SGPP2: variants seen among roughly 807,000 people sequenced by gnomAD.
SGPP2 encodes sphingosine-1-phosphate phosphatase 2.
SGPP2 carries 30 observed loss-of-function variants against 33.9 expected under a neutral mutation model. The observed-to-expected ratio is 0.89, with a 90% CI of 0.66 to 1.20. SGPP2 has a LOEUF of 1.20. SGPP2 is among the 50% of genes most tolerant of loss of function. The probability of loss-of-function intolerance (pLI) is 0.00; values close to 1 mark genes in which losing one functional copy is unlikely to be tolerated. For missense variants in SGPP2, 458 were observed against 532.1 expected, an observed-to-expected ratio of 0.86 and a Z score of 1.37; for synonymous variants, 233 against 225.0, an observed-to-expected ratio of 1.04 and a Z score of -0.32.
At chr2:222,467,806 T>C (rs902914612) in intron 1 of SGPP2, among the ~76,000 whole-genome samples, 1 of 150,974 alleles carries the variant, frequency 6.6e-6, no homozygotes, top group African/African-American at 2.4e-5. Flanking sequence ...GAGAACAAGC[T>C]CTTTCTGCTG....
intron 3 of SGPP2, among the ~76,000 whole-genome samples, chr2:222,524,324 T>C (rs1698726285): frequency 6.6e-6 from 1 of 152,234 alleles, no homozygotes; most frequent in South Asian, 2.1e-4. Flanking sequence ...TTTATGCCTA[T>C]GTCTAGCTTA....
rs528457566 is a variant in SGPP2, at chr2:222,494,380, C to T, written c.378+19654C>T. On this transcript the variant is annotated intron_variant, in intron 2 of 4. Coordinates refer to ENST00000321276, the MANE Select transcript of SGPP2 (RefSeq NM_152386.4). ...AGGGCCCAAAAAGCTGGACTGTAGG[C>T]GGTAGAGATAGAGAGAATGTTCACG... Among the ~76,000 whole-genome samples the T allele has an allele frequency of 3.9e-4, 60 of 152,138 alleles. 1 individual carries two copies. Among genetic ancestry groups the T allele is most frequent in the Non-Finnish European group, 6.3e-4 (43 of 68,020 alleles).
chr2:222,511,756 C>T (rs1023055090), intron 2 of SGPP2, among the ~76,000 whole-genome samples: 3 of 152,138 alleles, frequency 2.0e-5, no homozygotes, highest in African/African-American at 4.8e-5. Flanking sequence ...TGGCTCACTG[C>T]GGTCTTGACC....
At chr2:222,437,516 C>T (rs947603245) in intron 1 of SGPP2, among the ~76,000 whole-genome samples, 5 of 152,184 alleles carry the variant, frequency 3.3e-5, no homozygotes, top group African/African-American at 9.7e-5. Context: ...CCCATGAGGC[C>T]ATCGGTGCAG....
At position 222,558,605 on chromosome 2, in the gene SGPP2, C is replaced by G. The variant is rs1689462538; in HGVS notation, c.907C>G (p.Pro303Ala). 1 of 1,614,188 alleles carries G rather than the reference C, an allele frequency of 6.2e-7. No individual in the cohort carries two copies. The highest frequency in any genetic ancestry group is 2.2e-5 in the East Asian group (1 of 44,890). ...INHFFQLVSK[P>A]AESLPVIQNI... ...CCATTTCTTCCAGCTTGTATCCAAG[C>G]CCGCTGAATCTCTCCCTGTTATTCA... Residue 303 changes from proline (P) to alanine (A), a missense_variant, in exon 5 of 5, where the codon CCC (proline) becomes GCC (alanine). By Grantham distance (27) the Pro-to-Ala change is conservative. Transcript: ENST00000321276.
At chr2:222,520,816 C>G (rs1698675014) in intron 2 of SGPP2, among the ~76,000 whole-genome samples, 1 of 151,722 alleles carries the variant, frequency 6.6e-6, no homozygotes, top group African/African-American at 2.4e-5. Context: ...TGCAGTGGCT[C>G]CAATCTGGAC....
intron 1 of SGPP2, among the ~76,000 whole-genome samples, chr2:222,443,948 G>A (rs1445628799): frequency 2.0e-5 from 3 of 152,332 alleles, no homozygotes; most frequent in South Asian, 2.1e-4. Flanking sequence ...GTTCTGAGAT[G>A]TAAATAAGAT....
intron 1 of SGPP2, among the ~76,000 whole-genome samples, chr2:222,434,536 C>T (rs948256335): frequency 6.6e-6 from 1 of 152,170 alleles, no homozygotes; most frequent in Non-Finnish European, 1.5e-5. Context: ...ATACTATTCT[C>T]TCCTCCCCCA....
chr2:222,530,392 G>C (rs550312721), intron 4 of SGPP2, among the ~76,000 whole-genome samples: 3 of 152,362 alleles, frequency 2.0e-5, no homozygotes, highest in African/African-American at 7.2e-5. Context: ...TTAAAACGCT[G>C]TTGTGTAACG....
chr2:222,499,872 G>T (rs996412079), intron 2 of SGPP2, among the ~76,000 whole-genome samples: 4 of 152,264 alleles, frequency 2.6e-5, no homozygotes, highest in African/African-American at 7.2e-5. Flanking sequence ...GACTAGACCA[G>T]AGGTCCCCAG....
chr2:222,424,764 C>G lies in SGPP2; in HGVS notation c.162C>G (p.Ala54=). The change falls in exon 1 of 5, where the codon GCC becomes GCG. Residue 54 remains alanine, a synonymous_variant. Coordinates refer to ENST00000321276, the MANE Select transcript of SGPP2 (RefSeq NM_152386.4). ...CCGGGGTCGAGCATCTCCCCGCAGC[C>G]AACGGCAAGGGCGGCGAGGCTCCGG... The part of the protein sequence containing the change: ...RVPGVEHLPA[A]NGKGGEAPAN... The G allele has an allele frequency of 7.1e-7, 1 of 1,407,938 alleles. No individual in the cohort carries two copies. The allele number at this position is 1,407,938 out of a possible 1,614,324, so 87.2% of individuals were successfully genotyped here.
Position 222,559,033 on chromosome 2 carries a change from T to TA in SGPP2, c.*138dup, listed in dbSNP as rs1308443040. 2 of 773,516 alleles carry TA rather than the reference T, an allele frequency of 2.6e-6. No homozygotes were observed. Among genetic ancestry groups the TA allele is most frequent in the African/African-American group, 3.5e-5 (2 of 57,228 alleles). 47.9% of individuals were successfully genotyped at this position (773,516 alleles called of 1,614,324 possible). A position where few individuals can be genotyped will look rare whatever the true frequency, so the allele number is the denominator to read the frequency against. The stretch of plus-strand genomic sequence containing the variant: ...ATACGGCTGTCTTGCTACTACCAGA[T>TA]AAATGATGCTGCTGTGTGAAAGGAA... On this transcript the variant is annotated 3_prime_UTR_variant, in exon 5 of 5. Coordinates refer to ENST00000321276, the MANE Select transcript of SGPP2 (RefSeq NM_152386.4).
chr2:222,512,006 T>TTATG (rs1320110105), intron 2 of SGPP2, among the ~76,000 whole-genome samples: 2 of 149,642 alleles, frequency 1.3e-5, no homozygotes, highest in Non-Finnish European at 3.0e-5. Flanking sequence ...AAATAAACTT[T>TTATG]TATTTATTTA....
intron 2 of SGPP2, among the ~76,000 whole-genome samples, chr2:222,501,558 T>A (rs889076495): frequency 6.6e-6 from 1 of 152,184 alleles, no homozygotes; most frequent in Admixed American, 6.5e-5. Context: ...ATGTTAATGA[T>A]GTTGAGCCTA....
At chr2:222,514,111 G>A (rs1698569621) in intron 2 of SGPP2, among the ~76,000 whole-genome samples, 1 of 152,058 alleles carries the variant, frequency 6.6e-6, no homozygotes, top group African/African-American at 2.4e-5. Context: ...TAAATAATGT[G>A]CTTTATAATA....
In SGPP2 at chr2:222,440,032, A is replaced by C. The variant is rs116408273; in HGVS notation, c.219+15211A>C. Among the ~76,000 whole-genome samples the C allele has an allele frequency of 7.6e-3, 1,164 of 152,386 alleles. 16 individuals are homozygous for C. Among genetic ancestry groups the C allele is most frequent in the African/African-American group, 0.026 (1,087 of 41,590 alleles). On this transcript the variant is annotated intron_variant, in intron 1 of 4. Transcript: ENST00000321276. ...CCTGTGAATCTATAATTATTTCAAA[A>C]TAAAGTTAAAAAATCAATACTGCCT...
Position 222,495,194 on chromosome 2 carries a change from G to T in SGPP2, c.378+20468G>T, listed in dbSNP as rs919639487. ...CTTGGGAGGCTGAGGTGGGAGGATT[G>T]CTTGAGGCCAGGAGTTTGAGACCAG... On this transcript the variant is annotated intron_variant, in intron 2 of 4. Coordinates refer to ENST00000321276, the MANE Select transcript of SGPP2 (RefSeq NM_152386.4). Among the ~76,000 whole-genome samples the T allele has an allele frequency of 1.2e-4, 18 of 152,012 alleles. 1 individual carries two copies. The highest frequency in any genetic ancestry group is 4.3e-4 in the African/African-American group (18 of 41,468).
intron 1 of SGPP2, among the ~76,000 whole-genome samples, chr2:222,436,309 G>A (rs1008677179): frequency 6.6e-6 from 1 of 152,158 alleles, no homozygotes; most frequent in Non-Finnish European, 1.5e-5. Context: ...AATTTTGCTA[G>A]TGAATCCCTA....
Position 222,424,706 on chromosome 2 carries a change from G to A in SGPP2, c.104G>A (p.Gly35Asp). The change falls in exon 1 of 5, where the codon GGC (glycine) becomes GAC (aspartate). Residue 35 changes from glycine (G) to aspartate (D), a missense_variant. By Grantham distance (94) the Gly-to-Asp change is moderately conservative (BLOSUM62 -1). Coordinates refer to ENST00000321276, the MANE Select transcript of SGPP2 (RefSeq NM_152386.4). ...CCGGATGAAGGCCCCCGGGAGAACG[G>A]CGCGGACCCCACGGAGCGCGCGGCG... ...PAPDEGPREN[G>D]ADPTERAARV... 1 of 1,447,236 alleles carries A rather than the reference G, an allele frequency of 6.9e-7. No homozygotes were observed. The highest frequency in any genetic ancestry group is 9.1e-7 in the Non-Finnish European group (1 of 1,102,088). The allele number at this position is 1,447,236 out of a possible 1,614,324, so 89.6% of individuals were successfully genotyped here.
Sources: gnomAD v4.1 joint callset for allele counts (sites outside exome capture counted in the v4.1 genomes callset) on GRCh38, gnomAD v4.1.1 for gene constraint, MANE v1.5 for transcripts, NCBI Gene and HGNC (gene_info 2026-07-23, HGNC 2026-07-21) for gene names.